Variants in SAV1 observed in about 807,000 individuals in gnomAD.
The protein encoded by SAV1 is salvador family WW domain containing protein 1.
A neutral mutation model predicts 47.3 loss-of-function variants in SAV1; 23 were observed. The ratio of observed to expected loss-of-function variants is 0.49; its 90% CI spans 0.35 to 0.69. SAV1 has a LOEUF of 0.69. Among genes scored for constraint, SAV1 ranks in the 30% least tolerant of loss-of-function variants. The pLI is 0.01. For synonymous variants in SAV1, 155 were observed against 159.2 expected (o/e 0.97, Z 0.20); for missense variants, 448 against 457.4 (o/e 0.98, Z 0.19).
At position 50,648,585 on chromosome 14, in the gene SAV1, C is replaced by G. The variant is rs182530600; in HGVS notation, c.536-3571G>C. 6.3e-3 allele frequency among the ~76,000 whole-genome samples: 952 copies of G among 152,254 alleles called. 9 individuals are homozygous for G. The highest frequency in any genetic ancestry group is 0.02 in the African/African-American group (816 of 41,526). ...ATGAGGTCAGGAGATCGAGACCATCCTGGCTAACACGGTGAAACCCCATCT... is the reference window on the plus strand; with the variant it reads ...ATGAGGTCAGGAGATCGAGACCATCGTGGCTAACACGGTGAAACCCCATCT... On this transcript the variant is annotated intron_variant, in intron 2 of 4. Coordinates refer to ENST00000324679, the MANE Select transcript of SAV1 (RefSeq NM_021818.4).
chr14:50,634,191 T>A lies in SAV1; in HGVS notation c.*992A>T, dbSNP rs185655674. 7.5e-5 allele frequency: 34 copies of A among 455,328 alleles called. 1 individual carries two copies. The highest frequency in any genetic ancestry group is 3.7e-4 in the South Asian group (24 of 64,442). The allele number at this position is 455,328 out of a possible 1,614,324, so 28.2% of individuals were successfully genotyped here. On this transcript the variant is annotated 3_prime_UTR_variant, in exon 5 of 5. Transcript: ENST00000324679. The stretch of plus-strand genomic sequence containing the variant: ...CAGCACTGGCTGAAAATAAGGAAGA[T>A]GATGTTAGCAACTTTGAGTTTCACG...
intron 2 of SAV1, among the ~76,000 whole-genome samples, chr14:50,656,998 G>A (rs2039818214): frequency 6.7e-6 from 1 of 148,600 alleles, no homozygotes; most frequent in East Asian, 2.0e-4. Flanking sequence ...AAGTATGTGG[G>A]AAAAGCACAG....
chr14:50,660,026 A>G (rs2039845600), intron 2 of SAV1, among the ~76,000 whole-genome samples: 1 of 152,100 alleles, frequency 6.6e-6, no homozygotes, highest in African/African-American at 2.4e-5. Flanking sequence ...ATTTTTTCCC[A>G]GCTTTCTTTC....
intron 2 of SAV1, among the ~76,000 whole-genome samples, chr14:50,653,166 CA>C (rs1242653424): frequency 1.3e-5 from 2 of 151,910 alleles, no homozygotes; most frequent in Non-Finnish European, 2.9e-5. Flanking sequence ...TAAAGACATA[CA>C]ACAATGAAAT....
intron 2 of SAV1, among the ~76,000 whole-genome samples, chr14:50,654,335 G>C (rs1015348971): frequency 6.6e-6 from 1 of 152,150 alleles, no homozygotes; most frequent in African/African-American, 2.4e-5. Flanking sequence ...TTCACCAGGA[G>C]TATATTCTAT....
intron 4 of SAV1, among the ~76,000 whole-genome samples, chr14:50,639,015 C>T (rs2039659966): frequency 6.6e-6 from 1 of 152,232 alleles, no homozygotes; most frequent in Non-Finnish European, 1.5e-5. Flanking sequence ...GATCCACTCG[C>T]CTCAGCCTCC....
At chr14:50,655,778 T>C (rs965254671) in intron 2 of SAV1, among the ~76,000 whole-genome samples, 3 of 152,048 alleles carry the variant, frequency 2.0e-5, no homozygotes, top group African/African-American at 7.2e-5. Flanking sequence ...CCAGGTGTGG[T>C]GGCTCATGCC....
rs1269788369 is a variant in SAV1, at chr14:50,635,124, T to A, written c.*59A>T. 3.0e-6 allele frequency: 4 copies of A among 1,342,674 alleles called. No individual in the cohort carries two copies. In the East Asian group the frequency reaches 9.3e-5, roughly 31 times the overall value. The allele number at this position is 1,342,674 out of a possible 1,614,324, so 83.2% of individuals were successfully genotyped here. Reference sequence around the variant, plus strand: ...ATTAACCAGAGTACTTGTTTGCAATTTTTTATCTGTGAAAATATTTTAAAG... The same window carrying A: ...ATTAACCAGAGTACTTGTTTGCAATATTTTATCTGTGAAAATATTTTAAAG... On this transcript the variant is annotated 3_prime_UTR_variant, in exon 5 of 5. Transcript: ENST00000324679.
At chr14:50,648,644 G>C (rs1306037849) in intron 2 of SAV1, among the ~76,000 whole-genome samples, 2 of 152,090 alleles carry the variant, frequency 1.3e-5, no homozygotes, top group Non-Finnish European at 2.9e-5. Context: ...TGGGCGTGGT[G>C]GCGGGCGCCT....
chr14:50,638,172 T>C (rs931974972), intron 4 of SAV1, among the ~76,000 whole-genome samples: 1 of 152,218 alleles, frequency 6.6e-6, no homozygotes, highest in Non-Finnish European at 1.5e-5. Flanking sequence ...TTCTACATAG[T>C]TACTACCCTT....
intron 2 of SAV1, chr14:50,664,264 A>T (rs1363555736): frequency 3.3e-5 from 5 of 151,960 alleles, no homozygotes; most frequent in African/African-American, 1.2e-4. Flanking sequence ...AGTTAATATT[A>T]AATGAATAAA....
intron 2 of SAV1, 90 bp from the exon 3 acceptor site, chr14:50,645,104 T>C (rs1305780006): frequency 1.5e-5 from 16 of 1,096,452 alleles, no homozygotes; most frequent in South Asian, 1.6e-5. Flanking sequence ...ACATTAACTA[T>C]CCTGATTGTA....
At chr14:50,658,608 T>A (rs557051274) in intron 2 of SAV1, among the ~76,000 whole-genome samples, 1 of 152,308 alleles carries the variant, frequency 6.6e-6, no homozygotes, top group African/African-American at 2.4e-5. Flanking sequence ...TAATAACTAA[T>A]TGACAGGAAT....
At chr14:50,636,307 T>C (rs536998005) in intron 4 of SAV1, among the ~76,000 whole-genome samples, 1 of 148,912 alleles carries the variant, frequency 6.7e-6, no homozygotes, top group South Asian at 2.2e-4. Flanking sequence ...ATGCATCTTT[T>C]TGAGGAATGC....
At chr14:50,666,123 A>G (rs1212578274) in intron 1 of SAV1, among the ~76,000 whole-genome samples, 7 of 152,200 alleles carry the variant, frequency 4.6e-5, no homozygotes, top group Non-Finnish European at 1.0e-4. Context: ...ATTCCTTTAA[A>G]AATTAAAAAA....
chr14:50,661,740 C>T (rs986041888), intron 2 of SAV1, among the ~76,000 whole-genome samples: 1 of 152,160 alleles, frequency 6.6e-6, no homozygotes, highest in East Asian at 1.9e-4. Flanking sequence ...AATCAGTTGG[C>T]TGTAAATATG....
chr14:50,657,988 G>C (rs891448119), intron 2 of SAV1, among the ~76,000 whole-genome samples: 47 of 152,174 alleles, frequency 3.1e-4, no homozygotes, highest in African/African-American at 1.1e-3. Context: ...TGGATCTAGA[G>C]CTCTAACACA....
intron 2 of SAV1, among the ~76,000 whole-genome samples, chr14:50,658,121 A>C (rs994911685): frequency 1.3e-5 from 2 of 152,230 alleles, no homozygotes; most frequent in Admixed American, 6.5e-5. Context: ...CTGCAAAATA[A>C]ATACAGAAAA....
In SAV1 at chr14:50,640,883, A is replaced by C; in HGVS notation, c.817T>G (p.Tyr273Asp). Reference protein sequence around the residue: ...RHPCAPSVPRYDQPPPVTYQP... With the variant: ...RHPCAPSVPRDDQPPPVTYQP... The stretch of plus-strand genomic sequence containing the variant: ...TATGTGACAGGAGGTGGTTGATCAT[A>C]CCGAGGTACACTAAGAAGAAAGGAG... The change falls in exon 4 of 5, where the codon TAT (tyrosine) becomes GAT (aspartate). Residue 273 changes from tyrosine to aspartate, a missense_variant. Coordinates refer to ENST00000324679, the MANE Select transcript of SAV1 (RefSeq NM_021818.4). 6.2e-7 allele frequency: 1 copy of C among 1,607,826 alleles called. No individual in the cohort carries two copies. The highest frequency in any genetic ancestry group is 8.5e-7 in the Non-Finnish European group (1 of 1,177,256).
Sources: gnomAD v4.1 joint callset for allele counts (sites outside exome capture counted in the v4.1 genomes callset) on GRCh38, gnomAD v4.1.1 for gene constraint, MANE v1.5 for transcripts, NCBI Gene and HGNC (gene_info 2026-07-23, HGNC 2026-07-21) for gene names.